TMC3: variants seen among roughly 807,000 people sequenced by gnomAD.
The protein encoded by TMC3 is transmembrane channel like 3, also known as transmembrane channel-like protein 3.
A neutral mutation model predicts 110.6 loss-of-function variants in TMC3; 98 were observed. The ratio of observed to expected loss-of-function variants is 0.89; its 90% CI spans 0.75 to 1.05. The LOEUF (loss-of-function observed/expected upper bound fraction) is 1.05. Ranked by LOEUF, TMC3 falls within the 50% of genes least tolerant of loss-of-function variation. The pLI is 0.00. For synonymous variants in TMC3, 489 were observed against 513.1 expected, an observed-to-expected ratio of 0.95 and a Z score of 0.63; for missense variants, 1,319 against 1,373.2, an observed-to-expected ratio of 0.96 and a Z score of 0.62.
rs555225787 is a variant in TMC3 at position 81,343,905 on chromosome 15, C to A, written c.1647+12G>T. The A allele has an allele frequency of 2.0e-5, 33 of 1,610,190 alleles. No individual in the cohort carries two copies. Among genetic ancestry groups the A allele is most frequent in the Non-Finnish European group, 2.7e-5 (32 of 1,177,798 alleles). Reference sequence around the variant, plus strand: ...ATATAAACTTTCCCAACAGACACAGCATTTTACTTACAAACTTGCTCTCCA... The same window carrying A: ...ATATAAACTTTCCCAACAGACACAGAATTTTACTTACAAACTTGCTCTCCA... On this transcript the variant is annotated intron_variant, in intron 14 of 21. Transcript: ENST00000359440.
At position 81,339,388 on chromosome 15, in the gene TMC3, A is replaced by G; in HGVS notation, c.1955+6T>C. ...CACTCCGGGCAGAGCTGGGAACGAA[A>G]CTTACCTGAATGGCCCACAGTTTAG... is the stretch of plus-strand genomic sequence containing the variant. On this transcript the variant is annotated splice_donor_region_variant and intron_variant, in intron 17 of 21. Transcript: ENST00000359440. The G allele has an allele frequency of 6.2e-7, 1 of 1,604,216 alleles. No individual in the cohort carries two copies. Among genetic ancestry groups the G allele is most frequent in the Non-Finnish European group, 8.5e-7 (1 of 1,174,454 alleles).
chr15:81,362,198 C>T (rs1414282312), intron 4 of TMC3, 22 bp downstream of exon 4: 1 of 1,582,180 alleles, frequency 6.3e-7, no homozygotes, highest in Non-Finnish European at 8.6e-7. Flanking sequence ...TCCTGCCCCA[C>T]TCTCCAGGTG....
At chr15:81,340,353 GACAT>G (rs1893688385) in intron 16 of TMC3, among the ~76,000 whole-genome samples, 2 of 152,052 alleles carry the variant, frequency 1.3e-5, no homozygotes, top group South Asian at 2.1e-4. Context: ...TCTATCCACA[GACAT>G]ACATACATAT....
chr15:81,353,593 G>A (rs1417158045), intron 9 of TMC3, among the ~76,000 whole-genome samples: 1 of 152,142 alleles, frequency 6.6e-6, no homozygotes, highest in Non-Finnish European at 1.5e-5. Flanking sequence ...ATTGCCTACG[G>A]TATTTAATAC....
intron 2 of TMC3, among the ~76,000 whole-genome samples, chr15:81,369,434 C>T (rs1463502448): frequency 1.3e-5 from 2 of 152,160 alleles, no homozygotes; most frequent in Non-Finnish European, 2.9e-5. Flanking sequence ...TGATGTTCTA[C>T]CCCATACCAT....
At position 81,362,310 on chromosome 15, in the gene TMC3, G is replaced by C; in HGVS notation, c.313-9C>G. The C allele has an allele frequency of 6.2e-7, 1 of 1,608,388 alleles. No individual in the cohort carries two copies. The highest frequency in any genetic ancestry group is 8.5e-7 in the Non-Finnish European group (1 of 1,176,964). On this transcript the variant is annotated splice_polypyrimidine_tract_variant and intron_variant, in intron 3 of 21. Transcript: ENST00000359440. ...GCAAATTTCCGCCAGAGCTAGACAA[G>C]AGGGGTCAGGATTAGAGAGGTCACG...
chr15:81,347,664 T>A (rs1350457225), intron 11 of TMC3, among the ~76,000 whole-genome samples: 1 of 152,232 alleles, frequency 6.6e-6, no homozygotes, highest in East Asian at 1.9e-4. Flanking sequence ...ATAATATGTC[T>A]TATGCTTATT....
chr15:81,355,122 C>G (rs78330641), intron 9 of TMC3, among the ~76,000 whole-genome samples: 24 of 152,168 alleles, frequency 1.6e-4, no homozygotes, highest in Admixed American at 1.4e-3. Context: ...TTCCCCATGT[C>G]CTTTTGTACA....
rs1195971106 is a variant in TMC3, at chr15:81,344,805, C to CT, written c.1478dup (p.Ser494GlufsTer22). 2 of 1,613,956 alleles carry CT rather than the reference C, an allele frequency of 1.2e-6. No individual in the cohort carries two copies. The highest frequency in any genetic ancestry group is 1.7e-6 in the Non-Finnish European group (2 of 1,179,872). On this transcript the variant is annotated frameshift_variant, in exon 13 of 22. Transcript: ENST00000359440. LOFTEE classifies it high-confidence loss of function. ...TCTCCCAGCACTGGTCTTGTGGACT[C>CT]TGAGTGTGGAGGCTAGTCTTGTTGG...
intron 3 of TMC3, among the ~76,000 whole-genome samples, chr15:81,362,885 C>T (rs1417339230): frequency 6.6e-6 from 1 of 152,078 alleles, no homozygotes; most frequent in Non-Finnish European, 1.5e-5. Flanking sequence ...GAAAATGAGC[C>T]CCACCCTAAT....
rs150843673 is a variant in TMC3, at chr15:81,332,588, G to A, written c.3134C>T (p.Ser1045Leu). The part of the protein sequence containing the change: ...EPSLTESDSV[S>L]AASSSDQQNS... ...CTGCTGGTCACTGCTGGATGCTGCCGACACGGAGTCAGATTCCGTGAGGGA... is the reference window on the plus strand; with the variant it reads ...CTGCTGGTCACTGCTGGATGCTGCCAACACGGAGTCAGATTCCGTGAGGGA... The change falls in exon 22 of 22, where the codon TCG (serine) becomes TTG (leucine). Residue 1045 changes from serine to leucine, a missense_variant. Transcript: ENST00000359440. 3.1e-6 allele frequency: 5 copies of A among 1,613,958 alleles called. No individual in the cohort carries two copies. In the Admixed American group the frequency reaches 5.0e-5, roughly 16 times the overall value.
chr15:81,338,253 TA>T (rs1242333268), intron 18 of TMC3, among the ~76,000 whole-genome samples: 1 of 152,208 alleles, frequency 6.6e-6, no homozygotes, highest in African/African-American at 2.4e-5. Context: ...CACTCACTTT[TA>T]TTTTTTTTTC....
chr15:81,333,071 G>C lies in TMC3; in HGVS notation c.2651C>G (p.Ala884Gly). The C allele has an allele frequency of 6.2e-7, 1 of 1,613,922 alleles. No individual in the cohort carries two copies. The highest frequency in any genetic ancestry group is 8.5e-7 in the Non-Finnish European group (1 of 1,179,796). ...TTCATTAATGACATAGTATCTGGGGGCGTGGGGCCTGGGACCCTGTGCCAG... is the reference window on the plus strand; with the variant it reads ...TTCATTAATGACATAGTATCTGGGGCCGTGGGGCCTGGGACCCTGTGCCAG... ...TLLAQGPRPH[A>G]PRYYVINECD... Residue 884 changes from alanine (A) to glycine (G), a missense_variant, in exon 22 of 22, where the codon GCC becomes GGC. Physicochemically the swap from Ala to Gly is moderately conservative, Grantham distance 60. Transcript: ENST00000359440.
chr15:81,360,322 A>G (rs1894158392), intron 4 of TMC3, among the ~76,000 whole-genome samples: 1 of 152,192 alleles, frequency 6.6e-6, no homozygotes, highest in Admixed American at 6.5e-5. Flanking sequence ...ATTTCTCTCC[A>G]GCATACATCT....
In TMC3 at chr15:81,355,782, A is replaced by C; in HGVS notation, c.892-14T>G. On this transcript the variant is annotated splice_polypyrimidine_tract_variant and intron_variant, in intron 8 of 21. Transcript: ENST00000359440. ...CAATATAGCTTCCTTTAAGAAAAAT[A>C]CATACAGCAATAAAAGCTTAGCATC... is the stretch of plus-strand genomic sequence containing the variant. The C allele has an allele frequency of 6.5e-7, 1 of 1,535,442 alleles. No homozygotes were observed. The highest frequency in any genetic ancestry group is 1.7e-4 in the Middle Eastern group (1 of 5,760).
At chr15:81,334,262 C>T (rs1023860820) in intron 21 of TMC3, among the ~76,000 whole-genome samples, 7 of 152,148 alleles carry the variant, frequency 4.6e-5, no homozygotes, top group Admixed American at 2.0e-4. Context: ...TTTGGGCCAC[C>T]GCAGGTCTAT....
At chr15:81,354,227 G>A (rs569043649) in intron 9 of TMC3, among the ~76,000 whole-genome samples, 1 of 152,306 alleles carries the variant, frequency 6.6e-6, no homozygotes, top group South Asian at 2.1e-4. Flanking sequence ...TTTGCAGATA[G>A]TTTATTTGGG....
At chr15:81,372,525 G>A in intron 2 of TMC3, 66 bp downstream of exon 2, 1 of 1,596,538 alleles carries the variant, frequency 6.3e-7, no homozygotes, top group Non-Finnish European at 8.6e-7. Context: ...GTTCCCATGG[G>A]CAAGGCAAGG....
chr15:81,348,744 C>T (rs970888904), intron 11 of TMC3, among the ~76,000 whole-genome samples: 11 of 150,922 alleles, frequency 7.3e-5, no homozygotes, highest in African/African-American at 2.5e-4. Context: ...AGTTAAACCA[C>T]GGAGAAAACA....
Sources: gnomAD v4.1 joint callset for allele counts (sites outside exome capture counted in the v4.1 genomes callset) on GRCh38, gnomAD v4.1.1 for gene constraint, MANE v1.5 for transcripts, NCBI Gene and HGNC (gene_info 2026-07-23, HGNC 2026-07-21) for gene names.